Variants in PCNX2 observed in about 807,000 individuals in gnomAD.
PCNX2 encodes the protein pecanex-like protein 2.
PCNX2 carries 168 observed loss-of-function variants against 223.8 expected under a neutral mutation model. The observed-to-expected ratio is 0.75, with a 90% CI of 0.66 to 0.85. The LOEUF is 0.85. Among genes scored for constraint, PCNX2 ranks in the 40% least tolerant of loss-of-function variants. The pLI is 0.00. For missense variants in PCNX2, 2,507 were observed against 2,675.5 expected (o/e 0.94, Z 1.39); for synonymous variants, 1,006 against 1,052.6 (o/e 0.96, Z 0.86).
intron 21 of PCNX2, among the ~76,000 whole-genome samples, chr1:233,129,847 T>C: frequency 6.6e-6 from 1 of 152,146 alleles, no homozygotes; most frequent in East Asian, 1.9e-4. Context: ...AGGATGTGGG[T>C]GGGGCCAGAT....
the PCNX2 span, among the ~76,000 whole-genome samples, chr1:233,323,676 G>C: frequency 6.6e-6 from 1 of 152,138 alleles, no homozygotes; most frequent in Non-Finnish European, 1.5e-5. Context: ...TCAGACAGTG[G>C]ACTTAATAAA....
chr1:232,995,773 T>C (rs1669852909), intron 32 of PCNX2, among the ~76,000 whole-genome samples: 1 of 152,190 alleles, frequency 6.6e-6, no homozygotes, highest in South Asian at 2.1e-4. Context: ...TCACTGCCTA[T>C]GGTGTTCGGA....
At chr1:233,313,169 A>G in the PCNX2 span, among the ~76,000 whole-genome samples, 1 of 152,228 alleles carries the variant, frequency 6.6e-6, no homozygotes, top group Non-Finnish European at 1.5e-5. Flanking sequence ...TTAATTTGCT[A>G]TGACAGGCCA....
At chr1:233,252,540 T>C (rs1289888131) in intron 6 of PCNX2, 41 bp from the exon 7 acceptor site, 1 of 1,583,658 alleles carries the variant, frequency 6.3e-7, no homozygotes, top group African/African-American at 1.4e-5. Flanking sequence ...GATTAGAAGT[T>C]CCTCCTTATC....
At position 233,253,272 on chromosome 1, in the gene PCNX2, G is replaced by C. The variant is rs915458321; in HGVS notation, c.1835-484C>G. Among the ~76,000 whole-genome samples the C allele has an allele frequency of 2.0e-5, 3 of 152,208 alleles. No individual in the cohort carries two copies. The highest frequency in any genetic ancestry group is 4.4e-5 in the Non-Finnish European group (3 of 68,032). On this transcript the variant is annotated intron_variant, in intron 5 of 33. Transcript: ENST00000258229. The surrounding 1 kb of genome is among the most constrained non-coding windows in gnomAD (Gnocchi z 4.2). ...AAACTGAATTTTCAAGCTAAAGCTA[G>C]AATTGTCCCCTTCATAAAGCAAATA...
chr1:233,185,420 C>T (rs1680040813), intron 15 of PCNX2, among the ~76,000 whole-genome samples: 1 of 151,990 alleles, frequency 6.6e-6, no homozygotes, highest in African/African-American at 2.4e-5. Flanking sequence ...CCACCTTAAA[C>T]GTGTATATAG....
chr1:233,233,043 T>C (rs996747628), intron 9 of PCNX2: 5 of 985,116 alleles, frequency 5.1e-6, no homozygotes, highest in Non-Finnish European at 6.0e-6. Context: ...CTACAGATCC[T>C]ATGCTGCCCT....
chr1:233,015,384 C>T (rs1670615748), intron 27 of PCNX2, among the ~76,000 whole-genome samples: 1 of 152,188 alleles, frequency 6.6e-6, no homozygotes, highest in Admixed American at 6.5e-5. Flanking sequence ...AAAACCCCAT[C>T]TCCATAAAAT....
At chr1:233,235,024 G>A (rs1572126075) in intron 9 of PCNX2, among the ~76,000 whole-genome samples, 1 of 151,952 alleles carries the variant, frequency 6.6e-6, no homozygotes, top group Non-Finnish European at 1.5e-5. Context: ...CCCAAACCAG[G>A]CAGGTACAAC....
chr1:233,174,495 A>G (rs1470770254), intron 17 of PCNX2, among the ~76,000 whole-genome samples: 2 of 151,982 alleles, frequency 1.3e-5, no homozygotes, highest in East Asian at 3.9e-4. Context: ...GGCATTTTAT[A>G]TAGTACTTCA....
chr1:233,278,495 A>T (rs929800548), intron 1 of PCNX2, among the ~76,000 whole-genome samples: 2 of 152,166 alleles, frequency 1.3e-5, no homozygotes, highest in African/African-American at 4.8e-5. Context: ...CCATGATGGA[A>T]AGGGGGTCAC....
chr1:233,022,353 T>C (rs912871165), intron 26 of PCNX2, among the ~76,000 whole-genome samples: 3 of 152,228 alleles, frequency 2.0e-5, no homozygotes, highest in Admixed American at 6.5e-5. Flanking sequence ...GACTCAGTTG[T>C]GGCTTCTCTG....
rs1192456817 is a variant in PCNX2, at chr1:233,000,007, T to A, written c.5328+298A>T. Among the ~76,000 whole-genome samples the A allele has an allele frequency of 6.6e-6, 1 of 152,194 alleles. No individual in the cohort carries two copies. The highest frequency in any genetic ancestry group is 1.9e-4 in the East Asian group (1 of 5,200). On this transcript the variant is annotated intron_variant, in intron 30 of 33. Transcript: ENST00000258229. The surrounding 1 kb of genome is among the most constrained non-coding windows in gnomAD (Gnocchi z 4.6). ...CTAGAGAATAAAAAGTCTTTACAAATAAGCTATATCCTGACTCTCACTTAC... is the reference window on the plus strand; with the variant it reads ...CTAGAGAATAAAAAGTCTTTACAAAAAAGCTATATCCTGACTCTCACTTAC...
the PCNX2 span, among the ~76,000 whole-genome samples, chr1:233,311,696 CAATAAA>C: frequency 6.6e-6 from 1 of 151,544 alleles, no homozygotes; most frequent in African/African-American, 2.4e-5. Context: ...ATACAAGAAA[CAATAAA>C]AATAAACATA....
At position 233,289,472 on chromosome 1, in the gene PCNX2, G is replaced by A. The variant is rs555135088; in HGVS notation, c.153+5854C>T. Reference sequence around the variant, plus strand: ...TGGCCTTCTCCTGGGAGAACTTGCCGAGCGCCGGCTTAGGAAGAGCAGAAG... The same window carrying A: ...TGGCCTTCTCCTGGGAGAACTTGCCAAGCGCCGGCTTAGGAAGAGCAGAAG... On this transcript the variant is annotated intron_variant, in intron 1 of 33. Coordinates refer to ENST00000258229, the MANE Select transcript of PCNX2 (RefSeq NM_014801.4). 150 of 1,025,772 alleles carry A rather than the reference G, an allele frequency of 1.5e-4. No individual in the cohort carries two copies. In the Admixed American group the frequency reaches 2.3e-3, roughly 16 times the overall value. 63.5% of individuals were successfully genotyped at this position (1,025,772 alleles called of 1,614,324 possible).
At chr1:233,066,998 C>T (rs1199561463) in intron 23 of PCNX2, among the ~76,000 whole-genome samples, 1 of 152,048 alleles carries the variant, frequency 6.6e-6, no homozygotes, top group Admixed American at 6.5e-5. Context: ...ACTTTCCACC[C>T]TCTCCCATCT....
chr1:233,234,076 G>A (rs139656651), intron 9 of PCNX2, among the ~76,000 whole-genome samples: 435 of 152,204 alleles, frequency 2.9e-3, no homozygotes, highest in African/African-American at 9.9e-3. Context: ...GTATAGAGTT[G>A]AATTGGTTGA....
intron 28 of PCNX2, among the ~76,000 whole-genome samples, chr1:233,006,367 G>T (rs1670285115): frequency 6.6e-6 from 1 of 152,204 alleles, no homozygotes; most frequent in Admixed American, 6.5e-5. Flanking sequence ...GGCTGTGCAT[G>T]TAGAGGGGAG....
chr1:233,001,479 CATAAATAAATAAATAA>C lies in PCNX2; in HGVS notation c.5097+42_5097+57del, dbSNP rs4027365. On this transcript the variant is annotated intron_variant, in intron 29 of 33. Transcript: ENST00000258229. The surrounding 1 kb of genome is among the most constrained non-coding windows in gnomAD (Gnocchi z 4.2). The stretch of plus-strand genomic sequence containing the variant: ...GGGCAACAAGAGCGAAACTCCATCT[CATAAATAAATAAATAA>C]ATAAATAAATAAATAAATAAATAAA... The C allele has an allele frequency of 5.2e-4, 354 of 682,264 alleles. 3 individuals are homozygous for C. The highest frequency in any genetic ancestry group is 2.1e-3 in the South Asian group (36 of 16,750). 42.3% of individuals were successfully genotyped at this position (682,264 alleles called of 1,614,324 possible).
Sources: gnomAD v4.1 joint callset for allele counts (sites outside exome capture counted in the v4.1 genomes callset) on GRCh38, gnomAD v4.1.1 for gene constraint, Gnocchi (gnomAD v3.1) non-coding constraint, MANE v1.5 for transcripts, NCBI Gene and HGNC (gene_info 2026-07-23, HGNC 2026-07-21) for gene names.